SH3RF3: variants seen among roughly 807,000 people sequenced by gnomAD.
SH3RF3 encodes E3 ubiquitin-protein ligase SH3RF3.
SH3RF3 carries 29 observed loss-of-function variants against 66.3 expected under a neutral mutation model. The observed-to-expected ratio is 0.44, with a 90% CI of 0.33 to 0.60. The LOEUF is 0.60. SH3RF3 is among the 20% of genes least tolerant of loss of function. The probability of loss-of-function intolerance (pLI) is 0.04; values close to 1 mark genes in which losing one functional copy is unlikely to be tolerated. For synonymous variants in SH3RF3, 583 were observed against 532.0 expected, an observed-to-expected ratio of 1.10 and a Z score of -1.32; for missense variants, 1,194 against 1,190.9, an observed-to-expected ratio of 1.00 and a Z score of -0.04.
Position 109,276,878 on chromosome 2 carries a change from GA to G in SH3RF3, c.574-70787del, listed in dbSNP as rs754942651. 6.4e-4 allele frequency among the ~76,000 whole-genome samples: 96 copies of G among 150,600 alleles called. 1 individual carries two copies. The highest frequency in any genetic ancestry group is 6.2e-3 in the South Asian group (29 of 4,700). ...AGATAAAATAATCTAAATTCACATG[GA>G]AAAAAAAATGAGATTAAGAGAGTAG... On this transcript the variant is annotated intron_variant, in intron 1 of 9. Coordinates refer to ENST00000309415, the MANE Select transcript of SH3RF3 (RefSeq NM_001099289.3).
intron 1 of SH3RF3, among the ~76,000 whole-genome samples, chr2:109,341,060 C>T (rs754418317): frequency 1.3e-5 from 2 of 152,182 alleles, no homozygotes; most frequent in Non-Finnish European, 2.9e-5. Context: ...AAGGGCAAGT[C>T]GTGTTTTCAT....
intron 8 of SH3RF3, among the ~76,000 whole-genome samples, chr2:109,469,528 A>G (rs1271361522): frequency 6.6e-6 from 1 of 152,128 alleles, no homozygotes; most frequent in Admixed American, 6.6e-5. Flanking sequence ...ATCAAAGCAC[A>G]AAACTTAGGC....
chr2:109,190,450 A>G (rs1420202998), intron 1 of SH3RF3, among the ~76,000 whole-genome samples: 1 of 152,248 alleles, frequency 6.6e-6, no homozygotes, highest in Non-Finnish European at 1.5e-5. Context: ...CTGGGGTTAT[A>G]GGCGTGAGCC....
intron 1 of SH3RF3, among the ~76,000 whole-genome samples, chr2:109,290,072 A>G (rs1681127965): frequency 6.6e-6 from 1 of 152,192 alleles, no homozygotes; most frequent in Admixed American, 6.5e-5. Context: ...TAACCAAGGA[A>G]TCTCTCTTGT....
At chr2:109,404,900 C>T (rs1386848859) in intron 4 of SH3RF3, among the ~76,000 whole-genome samples, 1 of 152,140 alleles carries the variant, frequency 6.6e-6, no homozygotes, top group African/African-American at 2.4e-5. Context: ...TGGACAGCAC[C>T]CCTTCCTGAA....
intron 3 of SH3RF3, among the ~76,000 whole-genome samples, chr2:109,376,832 T>A (rs1396599938): frequency 6.6e-6 from 1 of 152,204 alleles, no homozygotes. Flanking sequence ...TCTCAGCATC[T>A]CTGACAGTAA....
At position 109,501,656 on chromosome 2, in the gene SH3RF3, C is replaced by T. The variant is rs775075679; in HGVS notation, c.2634C>T (p.Phe878=). ...GCACAGGCCTCTTCCCGGGCAGCTT[C>T]GTCGAGAGCTTCTGAGAACTGGTGC... ...NGRTGLFPGS[F]VESF Residue 878 remains phenylalanine (F), a synonymous_variant, in exon 10 of 10, where the codon TTC becomes TTT. Coordinates refer to ENST00000309415, the MANE Select transcript of SH3RF3 (RefSeq NM_001099289.3). 17 of 769,560 alleles carry T rather than the reference C, an allele frequency of 2.2e-5. 1 individual carries two copies. The highest frequency in any genetic ancestry group is 1.4e-4 in the South Asian group (10 of 72,340). The allele number at this position is 769,560 out of a possible 1,614,324, so 47.7% of individuals were successfully genotyped here.
At chr2:109,166,326 A>C (rs1332347521) in intron 1 of SH3RF3, among the ~76,000 whole-genome samples, 2 of 152,008 alleles carry the variant, frequency 1.3e-5, no homozygotes, top group African/African-American at 2.4e-5. Context: ...AAAATAAAAA[A>C]ATTAGCCGAG....
At chr2:109,278,106 G>A (rs1285192709) in intron 1 of SH3RF3, among the ~76,000 whole-genome samples, 1 of 151,956 alleles carries the variant, frequency 6.6e-6, no homozygotes, top group Non-Finnish European at 1.5e-5. Context: ...GAGCCCAGGA[G>A]GTCTAGGCTG....
chr2:109,254,638 T>A (rs1192996209), intron 1 of SH3RF3, among the ~76,000 whole-genome samples: 1 of 152,200 alleles, frequency 6.6e-6, no homozygotes, highest in Non-Finnish European at 1.5e-5. Flanking sequence ...ATAGTTTCTT[T>A]GTCTTCTGCT....
At chr2:109,362,902 A>T (rs575116414) in intron 2 of SH3RF3, among the ~76,000 whole-genome samples, 20 of 152,246 alleles carry the variant, frequency 1.3e-4, no homozygotes, top group Non-Finnish European at 2.8e-4. Context: ...GATTAGTGTT[A>T]GCATGTTATC....
At chr2:109,395,716 G>A (rs1676124686) in intron 3 of SH3RF3, among the ~76,000 whole-genome samples, 1 of 152,180 alleles carries the variant, frequency 6.6e-6, no homozygotes, top group South Asian at 2.1e-4. Flanking sequence ...GCCGCCCAGT[G>A]CTCAGTGACC....
chr2:109,177,553 G>C (rs746861118), intron 1 of SH3RF3, among the ~76,000 whole-genome samples: 51 of 152,162 alleles, frequency 3.4e-4, no homozygotes, highest in Middle Eastern at 3.4e-3. Context: ...CTGCTCTGGG[G>C]GGGGGCACCA....
At chr2:109,279,928 G>A (rs1256821120) in intron 1 of SH3RF3, among the ~76,000 whole-genome samples, 3 of 151,982 alleles carry the variant, frequency 2.0e-5, no homozygotes, top group Non-Finnish European at 2.9e-5. Context: ...ATTGGGGGGC[G>A]GTAAGAGGTG....
intron 2 of SH3RF3, among the ~76,000 whole-genome samples, chr2:109,359,215 G>C (rs1431688959): frequency 6.6e-6 from 1 of 152,066 alleles, no homozygotes; most frequent in Non-Finnish European, 1.5e-5. Context: ...TGTAGTGTTG[G>C]CCCTTGTTCT....
intron 7 of SH3RF3, among the ~76,000 whole-genome samples, chr2:109,448,106 CA>C (rs1180719979): frequency 6.6e-6 from 1 of 152,162 alleles, no homozygotes; most frequent in African/African-American, 2.4e-5. Context: ...GTGTGGAAAC[CA>C]AGGACCAGCC....
At chr2:109,429,222 C>A (rs1677121978) in intron 5 of SH3RF3, among the ~76,000 whole-genome samples, 1 of 152,198 alleles carries the variant, frequency 6.6e-6, no homozygotes, top group Non-Finnish European at 1.5e-5. Flanking sequence ...TTGACCCCCA[C>A]CCGGGCCAAG....
At chr2:109,164,143 G>A (rs1192319377) in intron 1 of SH3RF3, among the ~76,000 whole-genome samples, 1 of 151,878 alleles carries the variant, frequency 6.6e-6, no homozygotes, top group African/African-American at 2.4e-5. Context: ...ATTATTTTTG[G>A]TCCAGGAAAA....
At chr2:109,489,407 C>T (rs546166998) in intron 8 of SH3RF3, among the ~76,000 whole-genome samples, 1 of 152,350 alleles carries the variant, frequency 6.6e-6, no homozygotes, top group African/African-American at 2.4e-5. Flanking sequence ...CAGTTGTGCT[C>T]TTAGACAACC....
Sources: allele counts gnomAD v4.1 joint callset (sites outside exome capture counted in the v4.1 genomes callset), GRCh38; gene constraint gnomAD v4.1.1; transcripts MANE v1.5; gene names NCBI Gene and HGNC (gene_info 2026-07-23, HGNC 2026-07-21).